Variants in CDK8 observed in about 807,000 individuals in gnomAD.
CDK8 encodes the protein cyclin dependent kinase 8, also known as cyclin-dependent kinase 8.
CDK8 carries 29 observed loss-of-function variants against 71.5 expected under a neutral mutation model. That is an observed-to-expected ratio of 0.41 (90% confidence interval 0.30 to 0.55). CDK8 has a LOEUF of 0.55. CDK8 is among the 20% of genes least tolerant of loss of function. The pLI, the probability that CDK8 is intolerant of heterozygous loss-of-function variation, is 0.37. For missense variants in CDK8, 288 were observed against 572.6 expected, an observed-to-expected ratio of 0.50 and a Z score of 5.07; for synonymous variants, 161 against 192.1, an observed-to-expected ratio of 0.84 and a Z score of 1.34.
intron 4 of CDK8, among the ~76,000 whole-genome samples, chr13:26,379,533 A>C (rs770028488): frequency 6.6e-6 from 1 of 152,214 alleles, no homozygotes; most frequent in African/African-American, 2.4e-5. Flanking sequence ...TGCCAAGCCA[A>C]TACCATCCAT....
chr13:26,290,825 AC>A (rs1873260688), intron 1 of CDK8, among the ~76,000 whole-genome samples: 2 of 152,098 alleles, frequency 1.3e-5, no homozygotes, highest in Admixed American at 1.3e-4. Flanking sequence ...AAACAAAAAA[AC>A]AAATTCTGGG....
chr13:26,353,953 T>TA, intron 4 of CDK8, 73 bp downstream of exon 4: 1 of 1,306,298 alleles, frequency 7.7e-7, no homozygotes, highest in South Asian at 1.2e-5. Flanking sequence ...CGTCTGTAGA[T>TA]ACCAGTGCTA....
chr13:26,337,649 G>A lies in CDK8; in HGVS notation c.204+7G>A. 1 of 1,384,948 alleles carries A rather than the reference G, an allele frequency of 7.2e-7. No homozygotes were observed. The highest frequency in any genetic ancestry group is 9.5e-7 in the Non-Finnish European group (1 of 1,047,644). 85.8% of individuals were successfully genotyped at this position (1,384,948 alleles called of 1,614,324 possible). ...GGCATGTAGAGAAATAGCAGTAAGT[G>A]AAGTTCTTTTTATCATCGTTATTAT... On this transcript the variant is annotated splice_region_variant and intron_variant, in intron 2 of 12. Coordinates refer to ENST00000381527, the MANE Select transcript of CDK8 (RefSeq NM_001260.3).
chr13:26,383,647 A>G (rs1204133163), intron 5 of CDK8, among the ~76,000 whole-genome samples: 4 of 152,248 alleles, frequency 2.6e-5, no homozygotes, highest in African/African-American at 9.6e-5. Flanking sequence ...TCTGATCACA[A>G]GATTTAATAT....
At chr13:26,301,793 G>A (rs563230289) in intron 1 of CDK8, among the ~76,000 whole-genome samples, 49 of 152,236 alleles carry the variant, frequency 3.2e-4, no homozygotes, top group African/African-American at 9.4e-4. Flanking sequence ...ATTTAAGAGC[G>A]TCTTCATCAA....
At chr13:26,326,626 G>T (rs957325338) in intron 1 of CDK8, among the ~76,000 whole-genome samples, 4 of 152,166 alleles carry the variant, frequency 2.6e-5, no homozygotes, top group African/African-American at 9.7e-5. Context: ...AGATTCTTAA[G>T]AATCTTTAGT....
At chr13:26,372,305 A>C (rs893896618) in intron 4 of CDK8, among the ~76,000 whole-genome samples, 1 of 152,242 alleles carries the variant, frequency 6.6e-6, no homozygotes, top group Non-Finnish European at 1.5e-5. Flanking sequence ...TCAATATTAA[A>C]ATAATGGGGA....
chr13:26,377,071 G>A (rs1247726494), intron 4 of CDK8, among the ~76,000 whole-genome samples: 1 of 152,248 alleles, frequency 6.6e-6, no homozygotes, highest in Non-Finnish European at 1.5e-5. Flanking sequence ...GATTTGCATT[G>A]AAGATGACAG....
intron 2 of CDK8, among the ~76,000 whole-genome samples, chr13:26,343,203 T>C (rs1873314532): frequency 6.6e-6 from 1 of 152,220 alleles, no homozygotes; most frequent in Admixed American, 6.5e-5. Context: ...CAGAGTGTAC[T>C]TACACTAACC....
chr13:26,352,704 A>C (rs1415534047), intron 3 of CDK8, among the ~76,000 whole-genome samples: 1 of 152,228 alleles, frequency 6.6e-6, no homozygotes, highest in Non-Finnish European at 1.5e-5. Flanking sequence ...GTCATACTAC[A>C]TATGTGCAAA....
intron 1 of CDK8, among the ~76,000 whole-genome samples, chr13:26,275,903 G>A (rs548333609): frequency 7.2e-5 from 11 of 151,884 alleles, no homozygotes; most frequent in South Asian, 2.1e-4. Context: ...TCACTCTGTC[G>A]CCAGGCTGGA....
At chr13:26,340,857 AGAAG>A (rs1220410186) in intron 2 of CDK8, among the ~76,000 whole-genome samples, 1 of 152,170 alleles carries the variant, frequency 6.6e-6, no homozygotes, top group Non-Finnish European at 1.5e-5. Flanking sequence ...AAGTAAGTGT[AGAAG>A]GGAGGGAGGG....
intron 1 of CDK8, among the ~76,000 whole-genome samples, chr13:26,311,260 A>T (rs533252891): frequency 6.9e-4 from 105 of 152,094 alleles, no homozygotes; most frequent in Middle Eastern, 6.8e-3. Context: ...CTTGTAAAAG[A>T]TCTCACATTT....
At chr13:26,327,754 G>C (rs1236249827) in intron 1 of CDK8, among the ~76,000 whole-genome samples, 1 of 152,078 alleles carries the variant, frequency 6.6e-6, no homozygotes, top group East Asian at 1.9e-4. Flanking sequence ...GCTTGAACCC[G>C]GGAGGTGGAG....
intron 1 of CDK8, among the ~76,000 whole-genome samples, chr13:26,263,816 G>T (rs1012430293): frequency 6.8e-6 from 1 of 147,724 alleles, no homozygotes. Context: ...GCACGATCTC[G>T]GCTCACTGCT....
chr13:26,362,036 A>T (rs951341968), intron 4 of CDK8, among the ~76,000 whole-genome samples: 1 of 151,976 alleles, frequency 6.6e-6, no homozygotes, highest in Non-Finnish European at 1.5e-5. Context: ...TTTATACTAA[A>T]TCAACATCTA....
intron 1 of CDK8, among the ~76,000 whole-genome samples, chr13:26,331,976 T>C (rs532399470): frequency 5.0e-4 from 76 of 152,320 alleles, no homozygotes; most frequent in African/African-American, 1.8e-3. Flanking sequence ...TTATGTCATC[T>C]TTAATTTCTT....
chr13:26,345,378 T>C (rs2137986069), intron 2 of CDK8, among the ~76,000 whole-genome samples: 1 of 152,116 alleles, frequency 6.6e-6, no homozygotes. Context: ...ATGAAGTAGA[T>C]TGGTTTTTGT....
intron 2 of CDK8, among the ~76,000 whole-genome samples, chr13:26,347,658 C>T (rs1418967203): frequency 6.6e-6 from 1 of 152,144 alleles, no homozygotes; most frequent in African/African-American, 2.4e-5. Context: ...AGACGATCTA[C>T]AAATGGTCAG....
Sources: allele counts gnomAD v4.1 joint callset (sites outside exome capture counted in the v4.1 genomes callset), GRCh38; gene constraint gnomAD v4.1.1; transcripts MANE v1.5; gene names NCBI Gene and HGNC (gene_info 2026-07-23, HGNC 2026-07-21).